FOXP2: variants seen among roughly 807,000 people sequenced by gnomAD.
FOXP2 encodes the protein forkhead box P2, also known as forkhead box protein P2.
A neutral mutation model predicts 115.8 loss-of-function variants in FOXP2; 12 were observed. That is an observed-to-expected ratio of 0.10 (90% CI 0.07 to 0.17). The LOEUF is 0.17. Ranked by LOEUF, FOXP2 falls within the 10% of genes least tolerant of loss-of-function variation. The pLI is 1.00. For missense variants in FOXP2, 629 were observed against 843.5 expected, an observed-to-expected ratio of 0.75 and a Z score of 3.15; for synonymous variants, 328 against 297.7, an observed-to-expected ratio of 1.10 and a Z score of -1.05.
intron 13 of FOXP2, 157 bp from the exon 14 acceptor site, chr7:114,661,908 T>A (rs1164404436): frequency 1.1e-6 from 1 of 872,682 alleles, no homozygotes; most frequent in Non-Finnish European, 1.8e-6. Flanking sequence ...AATTTGTAAG[T>A]TTGAGGTTTG....
At chr7:114,233,551 C>T (rs962526367) in intron 1 of FOXP2, among the ~76,000 whole-genome samples, 1 of 152,210 alleles carries the variant, frequency 6.6e-6, no homozygotes, top group African/African-American at 2.4e-5. Flanking sequence ...AGTGGATTAG[C>T]TGGGGCTCTG....
chr7:114,651,859 T>G (rs1353303641), intron 8 of FOXP2, among the ~76,000 whole-genome samples: 1 of 152,186 alleles, frequency 6.6e-6, no homozygotes, highest in Non-Finnish European at 1.5e-5. Context: ...TCTTCAGAAT[T>G]GCTTTTGGTT....
chr7:114,527,267 T>C (rs1016414971), intron 2 of FOXP2, among the ~76,000 whole-genome samples: 1 of 152,164 alleles, frequency 6.6e-6, no homozygotes, highest in Non-Finnish European at 1.5e-5. Flanking sequence ...TGAACAATTA[T>C]GTTCAACTTT....
chr7:114,173,004 A>G (rs1194557747), intron 1 of FOXP2, among the ~76,000 whole-genome samples: 1 of 152,004 alleles, frequency 6.6e-6, no homozygotes, highest in African/African-American at 2.4e-5. Flanking sequence ...TTTATCTATC[A>G]TAAACTTGTC....
intron 2 of FOXP2, among the ~76,000 whole-genome samples, chr7:114,324,095 G>C (rs1352271959): frequency 3.3e-5 from 5 of 151,814 alleles, no homozygotes; most frequent in African/African-American, 1.2e-4. Context: ...TCTGTTGTTG[G>C]AATTTTCTGT....
intron 1 of FOXP2, among the ~76,000 whole-genome samples, chr7:114,255,778 C>G (rs1045796505): frequency 6.6e-6 from 1 of 152,124 alleles, no homozygotes; most frequent in Admixed American, 6.5e-5. Flanking sequence ...GGCTCACACT[C>G]GGTGTGCTCC....
chr7:114,601,501 G>A (rs1178746090), intron 3 of FOXP2, among the ~76,000 whole-genome samples: 1 of 151,906 alleles, frequency 6.6e-6, no homozygotes, highest in Non-Finnish European at 1.5e-5. Context: ...TATTCTTAAC[G>A]TTATTATTTC....
At chr7:114,147,315 G>C (rs865856078) in intron 1 of FOXP2, among the ~76,000 whole-genome samples, 1 of 152,026 alleles carries the variant, frequency 6.6e-6, no homozygotes, top group African/African-American at 2.4e-5. Flanking sequence ...TTATTTGGCT[G>C]TCCCCAGAAT....
At chr7:114,476,552 G>A (rs1230497083) in intron 2 of FOXP2, among the ~76,000 whole-genome samples, 2 of 151,980 alleles carry the variant, frequency 1.3e-5, no homozygotes, top group African/African-American at 4.8e-5. Context: ...GTTTGGTAGT[G>A]TGATGCCTCT....
intron 2 of FOXP2, among the ~76,000 whole-genome samples, chr7:114,454,977 A>G (rs1160194286): frequency 6.7e-6 from 1 of 149,658 alleles, no homozygotes; most frequent in Non-Finnish European, 1.5e-5. Context: ...TATGTAACTA[A>G]CCTGCACAAT....
rs1053429173 is a variant in FOXP2, at chr7:114,347,530, G to A, written c.-11+59421G>A. On this transcript the variant is annotated intron_variant, in intron 2 of 17. Transcript: ENST00000634411. ...GCAACAGTTTCAACCTTGAAAGTTG[G>A]CATTCAGACATATATAAGATTGTAT... Among the ~76,000 whole-genome samples the A allele has an allele frequency of 2.0e-5, 3 of 152,022 alleles. No homozygotes were observed. The South Asian group carries it at 6.2e-4, about 32-fold the overall frequency.
Position 114,426,228 on chromosome 7 carries a change from C to A in FOXP2, c.-10-274C>A, listed in dbSNP as rs566397903. On this transcript the variant is annotated intron_variant, in intron 1 of 16. Coordinates refer to ENST00000350908, the MANE Select transcript of FOXP2 (RefSeq NM_014491.4). ...AGGTAGATTTTAAAATGTGGTCATT[C>A]ATAAATGCTATTGACCATGCTATAT... Among the ~76,000 whole-genome samples the A allele has an allele frequency of 5.3e-5, 8 of 151,714 alleles. No individual in the cohort carries two copies. In the South Asian group the frequency reaches 1.7e-3, roughly 31 times the overall value.
intron 1 of FOXP2, among the ~76,000 whole-genome samples, chr7:114,278,464 C>T (rs929851280): frequency 3.3e-5 from 5 of 151,898 alleles, no homozygotes; most frequent in Non-Finnish European, 5.9e-5. Context: ...AAGCCTTTCT[C>T]CCCTCTCAGT....
intron 3 of FOXP2, among the ~76,000 whole-genome samples, chr7:114,624,885 T>C (rs989179041): frequency 2.0e-5 from 3 of 151,580 alleles, no homozygotes; most frequent in African/African-American, 7.2e-5. Flanking sequence ...GTGATATTAA[T>C]TGTAATACAC....
chr7:114,628,218 T>G (rs868431952), intron 3 of FOXP2, among the ~76,000 whole-genome samples: 1 of 152,136 alleles, frequency 6.6e-6, no homozygotes, highest in Admixed American at 6.5e-5. Flanking sequence ...AGATGATCAA[T>G]TATGAAATAT....
chr7:114,484,854 A>G (rs796542504), intron 2 of FOXP2, among the ~76,000 whole-genome samples: 13 of 152,048 alleles, frequency 8.5e-5, no homozygotes, highest in African/African-American at 3.1e-4. Flanking sequence ...GCTATAAAGA[A>G]TAGCTTTTTG....
At chr7:114,134,797 C>T (rs1374335917) in intron 1 of FOXP2, among the ~76,000 whole-genome samples, 1 of 152,062 alleles carries the variant, frequency 6.6e-6, no homozygotes, top group Non-Finnish European at 1.5e-5. Flanking sequence ...GCTTCCTACA[C>T]TACTCTTCTG....
At chr7:114,419,447 C>T (rs541067600) in intron 1 of FOXP2, among the ~76,000 whole-genome samples, 3 of 151,808 alleles carry the variant, frequency 2.0e-5, no homozygotes, top group South Asian at 2.1e-4. Context: ...TGGAGTAGGT[C>T]TGCTTCATAG....
At chr7:114,292,217 C>T (rs1383016552) in intron 2 of FOXP2, among the ~76,000 whole-genome samples, 1 of 151,614 alleles carries the variant, frequency 6.6e-6, no homozygotes, top group Non-Finnish European at 1.5e-5. Flanking sequence ...TTGGGGGCCA[C>T]TCTAGAGACT....
Sources: allele counts gnomAD v4.1 joint callset (sites outside exome capture counted in the v4.1 genomes callset), GRCh38; gene constraint gnomAD v4.1.1; transcripts MANE v1.5; gene names NCBI Gene and HGNC (gene_info 2026-07-23, HGNC 2026-07-21).